The following PRKN variants were observed in gnomAD, a reference collection of about 807,000 sequenced individuals.
PRKN encodes the protein parkin RBR E3 ubiquitin protein ligase.
PRKN carries 56 observed loss-of-function variants against 59.5 expected under a neutral mutation model. That is an observed-to-expected ratio of 0.94 (90% CI 0.76 to 1.18). The LOEUF is 1.18. Among genes scored for constraint, PRKN ranks in the 50% most tolerant of loss-of-function variants. The pLI is 0.00. For missense variants in PRKN, 657 were observed against 596.4 expected (o/e 1.10, Z -1.06); for synonymous variants, 250 against 222.1 (o/e 1.13, Z -1.12).
intron 6 of PRKN, among the ~76,000 whole-genome samples, chr6:161,907,755 A>G (rs1191899676): frequency 2.0e-5 from 3 of 152,164 alleles, no homozygotes; most frequent in Admixed American, 6.5e-5. Flanking sequence ...CAAAGGTGCA[A>G]ACTTAAGAAG....
At chr6:161,843,795 A>T (rs1327643722) in intron 6 of PRKN, among the ~76,000 whole-genome samples, 1 of 152,192 alleles carries the variant, frequency 6.6e-6, no homozygotes, top group East Asian at 1.9e-4. Flanking sequence ...ATCTCTAAAT[A>T]AATTCATTCA....
chr6:162,355,412 T>A (rs959325835), intron 2 of PRKN, among the ~76,000 whole-genome samples: 1 of 151,906 alleles, frequency 6.6e-6, no homozygotes, highest in African/African-American at 2.4e-5. Context: ...TCTATCTATA[T>A]ATATATAACA....
chr6:161,882,737 C>T (rs935647691), intron 6 of PRKN, among the ~76,000 whole-genome samples: 1 of 152,152 alleles, frequency 6.6e-6, no homozygotes, highest in Non-Finnish European at 1.5e-5. Context: ...GGCGCGGTGG[C>T]TCACGCTTGT....
chr6:162,298,057 G>A (rs1437246872), intron 2 of PRKN, among the ~76,000 whole-genome samples: 1 of 152,092 alleles, frequency 6.6e-6, no homozygotes. Context: ...TCTGTTCTGT[G>A]CCCTCAGAGG....
Position 161,526,182 on chromosome 6 carries a change from A to T in PRKN, c.1083+22672T>A, listed in dbSNP as rs545133654. On this transcript the variant is annotated intron_variant, in intron 9 of 11. Coordinates refer to ENST00000366898, the MANE Select transcript of PRKN (RefSeq NM_004562.3). This position sits in a 1 kb window ranked among gnomAD's most constrained non-coding sequence, Gnocchi z 4.1. ...CATCACAGTCAGTTTCAAGCTGCCA[A>T]CATGAAGTTGCTGAACATGGAGCTG... Among the ~76,000 whole-genome samples the T allele has an allele frequency of 4.6e-5, 7 of 152,354 alleles. No individual in the cohort carries two copies. Among genetic ancestry groups the T allele is most frequent in the Non-Finnish European group, 5.9e-5 (4 of 68,032 alleles).
chr6:161,589,328 C>A (rs1781631273), intron 7 of PRKN, among the ~76,000 whole-genome samples: 1 of 152,164 alleles, frequency 6.6e-6, no homozygotes, highest in Admixed American at 6.5e-5. Flanking sequence ...TCCCGTAAAG[C>A]CCTCACCTCA....
chr6:162,610,750 T>C (rs1782113104), intron 1 of PRKN, among the ~76,000 whole-genome samples: 1 of 152,204 alleles, frequency 6.6e-6, no homozygotes, highest in Non-Finnish European at 1.5e-5. Flanking sequence ...GCATTTTTAT[T>C]TCTAAAAGAA....
chr6:161,928,710 T>A (rs1191916127), intron 6 of PRKN, among the ~76,000 whole-genome samples: 1 of 152,172 alleles, frequency 6.6e-6, no homozygotes, highest in Non-Finnish European at 1.5e-5. Flanking sequence ...GGTGTTTTTA[T>A]TTTAACTTTC....
At position 162,616,227 on chromosome 6, in the gene PRKN, T is replaced by C. The variant is rs139513553; in HGVS notation, c.7+111435A>G. ...TGCCTTCTGAAGACTTTGTGCATTA[T>C]CCCATAGTAGTTCATGGTAGAGTAT... On this transcript the variant is annotated intron_variant, in intron 1 of 11. Coordinates refer to ENST00000366898, the MANE Select transcript of PRKN (RefSeq NM_004562.3). 7.5e-4 allele frequency among the ~76,000 whole-genome samples: 114 copies of C among 152,282 alleles called. 1 individual carries two copies. Among genetic ancestry groups the C allele is most frequent in the African/African-American group, 2.6e-3 (110 of 41,560 alleles).
At chr6:162,000,938 T>A (rs529784800) in intron 5 of PRKN, among the ~76,000 whole-genome samples, 16 of 152,176 alleles carry the variant, frequency 1.1e-4, no homozygotes, top group African/African-American at 3.6e-4. Flanking sequence ...GCTTCTTTGT[T>A]AAAGATCATT....
At chr6:161,804,207 C>A (rs1791212880) in intron 6 of PRKN, among the ~76,000 whole-genome samples, 1 of 152,214 alleles carries the variant, frequency 6.6e-6, no homozygotes, top group African/African-American at 2.4e-5. Context: ...GGACACTGAG[C>A]CACCTGAATG....
chr6:162,603,563 C>T (rs1583888847), intron 1 of PRKN, among the ~76,000 whole-genome samples: 2 of 152,178 alleles, frequency 1.3e-5, no homozygotes. Context: ...GTATCCCTTA[C>T]CAAAACACAT....
intron 7 of PRKN, among the ~76,000 whole-genome samples, chr6:161,715,152 T>C (rs562551781): frequency 5.3e-5 from 8 of 152,344 alleles, no homozygotes; most frequent in Non-Finnish European, 4.4e-5. Flanking sequence ...TAGACTTTTT[T>C]ATGGTTTTGC....
chr6:161,700,133 A>G (rs978330998), intron 7 of PRKN, among the ~76,000 whole-genome samples: 3 of 150,786 alleles, frequency 2.0e-5, no homozygotes, highest in Non-Finnish European at 4.4e-5. Flanking sequence ...CATCTTTTCC[A>G]TCTTCTTTTC....
intron 2 of PRKN, among the ~76,000 whole-genome samples, chr6:162,412,408 G>A (rs1441540699): frequency 6.6e-6 from 1 of 151,948 alleles, no homozygotes; most frequent in Non-Finnish European, 1.5e-5. Flanking sequence ...ACTCACTGTG[G>A]ACACCTAAGC....
At position 161,419,171 on chromosome 6, in the gene PRKN, C is replaced by T. The variant is rs559785968; in HGVS notation, c.1084-32294G>A. Among the ~76,000 whole-genome samples, 3 of 152,178 alleles carry T rather than the reference C, an allele frequency of 2.0e-5. No homozygotes were observed. Among genetic ancestry groups the T allele is most frequent in the South Asian group, 2.1e-4 (1 of 4,832 alleles). On this transcript the variant is annotated intron_variant, in intron 9 of 11. Transcript: ENST00000366898. The surrounding 1 kb of genome is among the most constrained non-coding windows in gnomAD (Gnocchi z 4.1). ...ATGGTGAGAATCCTTTACGAGCTAA[C>T]GTGCTACACAGAGTTTGATGCTTCT...
chr6:162,387,269 A>C (rs1253911868), intron 2 of PRKN, among the ~76,000 whole-genome samples: 1 of 150,856 alleles, frequency 6.6e-6, no homozygotes, highest in Non-Finnish European at 1.5e-5. Context: ...CTCCAACCAA[A>C]TGTTTACTGG....
intron 1 of PRKN, among the ~76,000 whole-genome samples, chr6:162,558,901 C>T (rs1198143033): frequency 2.0e-5 from 3 of 152,000 alleles, no homozygotes; most frequent in African/African-American, 4.8e-5. Context: ...CTCAGCCTCC[C>T]GAAGTGCTAG....
intron 5 of PRKN, among the ~76,000 whole-genome samples, chr6:162,040,406 CT>C (rs35510397): frequency 2.8e-3 from 390 of 139,654 alleles, no homozygotes; most frequent in Non-Finnish European, 2.7e-3. Context: ...ATTAGAACCA[CT>C]TTTTTTTTTT....
Sources: gnomAD v4.1 joint callset for allele counts (sites outside exome capture counted in the v4.1 genomes callset) on GRCh38, gnomAD v4.1.1 for gene constraint, Gnocchi (gnomAD v3.1) non-coding constraint, MANE v1.5 for transcripts, NCBI Gene and HGNC (gene_info 2026-07-23, HGNC 2026-07-21) for gene names.